The following GRB14 variants were observed in gnomAD, a reference collection of about 807,000 sequenced individuals.
The protein encoded by GRB14 is growth factor receptor bound protein 14, also known as growth factor receptor-bound protein 14.
A neutral mutation model predicts 69.1 loss-of-function variants in GRB14; 38 were observed. The ratio of observed to expected loss-of-function variants is 0.55; its 90% CI spans 0.42 to 0.72. GRB14 has a LOEUF of 0.72. Among genes scored for constraint, GRB14 ranks in the 30% least tolerant of loss-of-function variants. The pLI is 0.00. For synonymous variants in GRB14, 247 were observed against 241.3 expected (o/e 1.02, Z -0.22); for missense variants, 666 against 666.1 (o/e 1.00, Z 0.00).
chr2:164,556,464 A>G (rs1688679874), intron 2 of GRB14, among the ~76,000 whole-genome samples: 1 of 152,196 alleles, frequency 6.6e-6, no homozygotes, highest in African/African-American at 2.4e-5. Context: ...AATTACAAGG[A>G]TTGACACAAA....
chr2:164,513,617 A>G (rs1264706612), intron 6 of GRB14, among the ~76,000 whole-genome samples: 2 of 152,220 alleles, frequency 1.3e-5, no homozygotes, highest in Non-Finnish European at 2.9e-5. Context: ...ATGGATGTAC[A>G]TTTCTAGTAT....
Position 164,508,778 on chromosome 2 carries a change from T to G in GRB14, c.891A>C (p.Lys297Asn), listed in dbSNP as rs779638211. The G allele has an allele frequency of 3.3e-6, 5 of 1,526,204 alleles. No homozygotes were observed. Among genetic ancestry groups the G allele is most frequent in the Admixed American group, 3.9e-5 (2 of 51,016 alleles). 94.5% of individuals were successfully genotyped at this position (1,526,204 alleles called of 1,614,324 possible). ...DIYVSLAGKK[K>N]HGAPTNYGFC... ...ATCCATAGTTAGTCGGTGCTCCATG[T>G]TTTTTTTTGCCTGCCAGTGACACAT... The change falls in exon 7 of 14, where the codon AAA becomes AAC. Residue 297 changes from lysine to asparagine, a missense_variant. Lys to Asn is a moderately conservative substitution (Grantham distance 94, BLOSUM62 0). Coordinates refer to ENST00000263915, the MANE Select transcript of GRB14 (RefSeq NM_004490.3).
intron 2 of GRB14, among the ~76,000 whole-genome samples, chr2:164,615,943 T>G (rs1690281268): frequency 6.6e-6 from 1 of 152,192 alleles, no homozygotes; most frequent in South Asian, 2.1e-4. Flanking sequence ...ATGATTTCCT[T>G]ATAAATTTAA....
At chr2:164,584,599 A>T (rs1444725393) in intron 2 of GRB14, among the ~76,000 whole-genome samples, 6 of 151,962 alleles carry the variant, frequency 3.9e-5, no homozygotes, top group Non-Finnish European at 8.8e-5. Flanking sequence ...AAAAAAAAAT[A>T]CTTTTCAGGA....
chr2:164,512,720 G>A (rs1687372002), intron 6 of GRB14, among the ~76,000 whole-genome samples: 3 of 152,190 alleles, frequency 2.0e-5, no homozygotes, highest in Admixed American at 2.0e-4. Context: ...AAAGAAAACT[G>A]TGTATGAGGG....
intron 6 of GRB14, 59 bp downstream of exon 6, chr2:164,521,921 G>A: frequency 7.1e-6 from 10 of 1,399,504 alleles, no homozygotes; most frequent in East Asian, 4.6e-5. Flanking sequence ...CAAAGTCAAC[G>A]TGTTTTAACT....
chr2:164,586,203 A>G (rs1003089635), intron 2 of GRB14, among the ~76,000 whole-genome samples: 1 of 152,222 alleles, frequency 6.6e-6, no homozygotes, highest in Non-Finnish European at 1.5e-5. Flanking sequence ...CATGGGATAG[A>G]TCTGGGAAGC....
chr2:164,557,057 G>C (rs1053671121), intron 2 of GRB14, among the ~76,000 whole-genome samples: 9 of 152,180 alleles, frequency 5.9e-5, no homozygotes, highest in Admixed American at 1.3e-4. Flanking sequence ...ACTGAACAAA[G>C]GTGGCTTAGG....
intron 4 of GRB14, among the ~76,000 whole-genome samples, chr2:164,526,483 T>C (rs189134057): frequency 6.6e-6 from 1 of 152,144 alleles, no homozygotes; most frequent in Admixed American, 6.6e-5. Flanking sequence ...CAAAAATTAC[T>C]GCACCGAAAA....
intron 2 of GRB14, among the ~76,000 whole-genome samples, chr2:164,580,095 CAT>C (rs1491393841): frequency 3.3e-4 from 16 of 47,916 alleles, no homozygotes; most frequent in African/African-American, 1.5e-3. Flanking sequence ...TTCTATGATA[CAT>C]TTTTTTTTTT....
rs149254573 is a variant in GRB14 at position 164,549,563 on chromosome 2, A to C, written c.325-1747T>G. Among the ~76,000 whole-genome samples the C allele has an allele frequency of 9.2e-5, 14 of 152,238 alleles. 1 individual carries two copies. In the East Asian group the frequency reaches 2.5e-3, roughly 27 times the overall value. On this transcript the variant is annotated intron_variant, in intron 2 of 13. Transcript: ENST00000263915. ...ACTTTGGTCTATGAAAAAGCTATGT[A>C]TCTCTTATCAATATTATAGCTGGGC...
At chr2:164,589,380 G>C (rs976333060) in intron 2 of GRB14, among the ~76,000 whole-genome samples, 1 of 152,040 alleles carries the variant, frequency 6.6e-6, no homozygotes, top group Non-Finnish European at 1.5e-5. Flanking sequence ...TGTTACAAAG[G>C]AATACCCAAG....
At chr2:164,510,698 A>G (rs771853512) in intron 6 of GRB14, among the ~76,000 whole-genome samples, 5 of 152,186 alleles carry the variant, frequency 3.3e-5, no homozygotes, top group Admixed American at 1.3e-4. Flanking sequence ...AAATCAGATG[A>G]GCACTCACAG....
intron 3 of GRB14, among the ~76,000 whole-genome samples, chr2:164,539,252 A>T (rs983927612): frequency 1.3e-5 from 2 of 152,226 alleles, no homozygotes; most frequent in South Asian, 2.1e-4. Flanking sequence ...AGGCAGATGG[A>T]TCACTTGAGG....
Position 164,618,054 on chromosome 2 carries a change from C to T in GRB14, c.324+1633G>A, listed in dbSNP as rs191456199. On this transcript the variant is annotated intron_variant, in intron 2 of 13. Transcript: ENST00000263915. The stretch of plus-strand genomic sequence containing the variant: ...CAATCTCAGCTCACTGCAGCCTCCG[C>T]CTCCTGGGTTCAAGCGATTCTCCTG... Among the ~76,000 whole-genome samples, 587 of 151,948 alleles carry T rather than the reference C, an allele frequency of 3.9e-3. 5 individuals are homozygous for T. Among genetic ancestry groups the T allele is most frequent in the African/African-American group, 0.012 (517 of 41,466 alleles).
At chr2:164,597,108 T>A (rs914293043) in intron 2 of GRB14, among the ~76,000 whole-genome samples, 1 of 152,148 alleles carries the variant, frequency 6.6e-6, no homozygotes, top group African/African-American at 2.4e-5. Flanking sequence ...TTCCTCAGCA[T>A]CATGAATATC....
chr2:164,592,187 T>C lies in GRB14; in HGVS notation c.324+27500A>G, dbSNP rs531343660. Among the ~76,000 whole-genome samples, 7 of 152,016 alleles carry C rather than the reference T, an allele frequency of 4.6e-5. No homozygotes were observed. The East Asian group carries it at 9.7e-4, about 21-fold the overall frequency. On this transcript the variant is annotated intron_variant, in intron 2 of 13. Coordinates refer to ENST00000263915, the MANE Select transcript of GRB14 (RefSeq NM_004490.3). ...TCTCACTCTGTCTCCCAGGCTGGAG[T>C]GCAGTGGCACCATCTCGGCTCACTG...
At chr2:164,529,698 C>T (rs187631102) in intron 3 of GRB14, among the ~76,000 whole-genome samples, 3 of 152,246 alleles carry the variant, frequency 2.0e-5, no homozygotes, top group Non-Finnish European at 2.9e-5. Context: ...AGACCTTTGC[C>T]TTTTGTTGTT....
chr2:164,568,302 A>C (rs1280466281), intron 2 of GRB14: 1 of 1,281,954 alleles, frequency 7.8e-7, no homozygotes, highest in Admixed American at 2.3e-5. Context: ...AAAAGGATAA[A>C]GAAGTCACAT....
Sources: allele counts gnomAD v4.1 joint callset (sites outside exome capture counted in the v4.1 genomes callset), GRCh38; gene constraint gnomAD v4.1.1; transcripts MANE v1.5; gene names NCBI Gene and HGNC (gene_info 2026-07-23, HGNC 2026-07-21).